Variants in ZNF81 observed in about 807,000 individuals in gnomAD.
ZNF81 encodes the protein zinc finger protein 81.
A neutral mutation model predicts 32.3 loss-of-function variants in ZNF81; 5 were observed. The observed-to-expected ratio is 0.15, with a 90% CI of 0.08 to 0.33. The LOEUF is 0.33. Among genes scored for constraint, ZNF81 ranks in the 10% least tolerant of loss-of-function variants. ZNF81 has a pLI of 1.00. For synonymous variants in ZNF81, 163 were observed against 166.8 expected (o/e 0.98, Z 0.17); for missense variants, 379 against 479.8 (o/e 0.79, Z 1.96).
At chrX:47,871,207 G>A (rs782078050) in intron 2 of ZNF81, among the ~76,000 whole-genome samples, 16 of 111,390 alleles carry the variant, frequency 1.4e-4, no homozygotes, top group South Asian at 7.5e-4. Flanking sequence ...CTCATAACTC[G>A]GATATTAATT....
rs1323945329 is a variant in ZNF81, at chrX:47,924,002, C to T, written c.*7370C>T. ...TCACAAAAGCTTCTCATGGACTTCT[C>T]CACCAGCTTCTCATGGCAGTCCCAC... On this transcript the variant is annotated 3_prime_UTR_variant, in exon 5 of 5. Coordinates refer to ENST00000338637, the MANE Select transcript of ZNF81 (RefSeq NM_007137.5). 9.0e-6 allele frequency among the ~76,000 whole-genome samples: 1 copy of T among 111,660 alleles called. No individual in the cohort carries two copies. The highest frequency in any genetic ancestry group is 1.9e-5 in the Non-Finnish European group (1 of 53,145).
intron 3 of ZNF81, 156 bp downstream of exon 3, chrX:47,888,281 T>A: frequency 2.6e-6 from 2 of 762,480 alleles, no homozygotes; most frequent in Non-Finnish European, 3.8e-6. Context: ...TAAAATGAGA[T>A]CATTAGGGTG....
intron 2 of ZNF81, among the ~76,000 whole-genome samples, chrX:47,886,313 A>C (rs2058641434): frequency 9.0e-6 from 1 of 110,715 alleles, no homozygotes; most frequent in Non-Finnish European, 1.9e-5. Context: ...AATTCCTCTG[A>C]CTATTGTTGA....
chrX:47,888,562 G>T (rs1556886135), intron 3 of ZNF81, among the ~76,000 whole-genome samples: 1 of 111,263 alleles, frequency 9.0e-6, no homozygotes, highest in Non-Finnish European at 1.9e-5. Flanking sequence ...TGGTTTTGGA[G>T]TTCTGGCCTC....
At chrX:47,847,988 C>T (rs1372231951) in intron 2 of ZNF81, among the ~76,000 whole-genome samples, 2 of 108,914 alleles carry the variant, frequency 1.8e-5, no homozygotes, top group Non-Finnish European at 3.8e-5. Flanking sequence ...AATCTCGGCT[C>T]ACTGCAAGCT....
chrX:47,840,668 C>T (rs782394700), intron 1 of ZNF81, among the ~76,000 whole-genome samples: 4 of 110,269 alleles, frequency 3.6e-5, no homozygotes, highest in East Asian at 5.7e-4. Context: ...CCACCATGCC[C>T]GGCTAATTTT....
Position 47,916,592 on chromosome X carries a change from A to G in ZNF81, c.1946A>G (p.Gln649Arg), listed in dbSNP as rs1556890947. The G allele has an allele frequency of 8.3e-7, 1 of 1,202,482 alleles. No homozygotes were observed. The highest frequency in any genetic ancestry group is 1.7e-5 in the African/African-American group (1 of 57,483). The change falls in exon 5 of 5, where the codon CAG (glutamine) becomes CGG (arginine). Residue 649 changes from glutamine (Q) to arginine (R), a missense_variant. Gln to Arg is a conservative substitution (Grantham distance 43). This residue lies in a region of ZNF81 where 102 missense variants were observed against 173.2 expected (regional missense o/e 0.59). Transcript: ENST00000338637. ...KCSDCGKGFTQKSVLSMHRNI... is the reference protein window; with the variant it reads ...KCSDCGKGFTRKSVLSMHRNI... ...AGCGACTGTGGAAAGGGGTTCACCC[A>G]GAAATCAGTTCTCAGTATGCATCGC...
chrX:47,852,340 G>A (rs2058498956), intron 2 of ZNF81, among the ~76,000 whole-genome samples: 1 of 111,899 alleles, frequency 8.9e-6, no homozygotes, highest in African/African-American at 3.3e-5. Context: ...AATGAAGTTT[G>A]CCACATCAAT....
chrX:47,843,585 C>A (rs1280098379), intron 1 of ZNF81, among the ~76,000 whole-genome samples: 1 of 111,699 alleles, frequency 9.0e-6, no homozygotes, highest in African/African-American at 3.3e-5. Flanking sequence ...TGCAGTGATG[C>A]AACTGTGGCT....
At chrX:47,840,131 T>C (rs1384156236) in intron 1 of ZNF81, among the ~76,000 whole-genome samples, 3 of 105,798 alleles carry the variant, frequency 2.8e-5, no homozygotes, top group East Asian at 2.9e-4. Flanking sequence ...CTCTCTCTTT[T>C]TTTTTTTTTT....
intron 2 of ZNF81, among the ~76,000 whole-genome samples, chrX:47,873,464 G>A (rs1462244618): frequency 2.7e-5 from 3 of 111,383 alleles, no homozygotes; most frequent in Non-Finnish European, 5.7e-5. Flanking sequence ...GGTTTTCTCC[G>A]GGGCTTTTCT....
At chrX:47,891,739 T>C (rs2058663000) in intron 3 of ZNF81, among the ~76,000 whole-genome samples, 1 of 112,206 alleles carries the variant, frequency 8.9e-6, no homozygotes, top group Admixed American at 9.4e-5. Flanking sequence ...TGGTGGACCA[T>C]AGTGGTGTTT....
intron 4 of ZNF81, among the ~76,000 whole-genome samples, chrX:47,904,998 G>A (rs1556888886): frequency 9.2e-6 from 1 of 109,272 alleles, no homozygotes; most frequent in Admixed American, 9.8e-5. Flanking sequence ...TCACTCATAG[G>A]TGGGAGTTGA....
chrX:47,864,136 AC>A (rs1478648050), intron 2 of ZNF81, among the ~76,000 whole-genome samples: 1 of 111,863 alleles, frequency 8.9e-6, no homozygotes, highest in Non-Finnish European at 1.9e-5. Flanking sequence ...AAACTGCCTT[AC>A]TAAGGTTTGC....
intron 2 of ZNF81, chrX:47,861,114 C>A (rs1360544118): frequency 9.0e-6 from 1 of 111,634 alleles, no homozygotes; most frequent in Non-Finnish European, 1.9e-5. Context: ...TGTGGGAATC[C>A]CCAATTTATA....
intron 4 of ZNF81, 101 bp downstream of exon 4, chrX:47,896,041 A>G: frequency 1.6e-6 from 1 of 625,643 alleles, no homozygotes; most frequent in Non-Finnish European, 2.5e-6. Flanking sequence ...TAAAGGTTGG[A>G]AACTTTATAA....
intron 2 of ZNF81, among the ~76,000 whole-genome samples, chrX:47,865,438 C>T (rs1556883127): frequency 8.9e-6 from 1 of 111,834 alleles, no homozygotes; most frequent in Non-Finnish European, 1.9e-5. Flanking sequence ...AAATCCAAAA[C>T]CCAAAGGGCT....
intron 2 of ZNF81, among the ~76,000 whole-genome samples, chrX:47,857,043 C>T (rs782140207): frequency 6.2e-5 from 7 of 112,031 alleles, no homozygotes; most frequent in African/African-American, 2.3e-4. Context: ...CCTGTGGCTG[C>T]AATTTTAAAA....
At chrX:47,841,501 C>T in intron 1 of ZNF81, 1 of 983,826 alleles carries the variant, frequency 1.0e-6, no homozygotes, top group Non-Finnish European at 1.4e-6. Flanking sequence ...GTCTGAGACG[C>T]ACCTTGTCAC....
Sources: gnomAD v4.1 joint callset for allele counts (sites outside exome capture counted in the v4.1 genomes callset) on GRCh38, gnomAD v4.1.1 for gene constraint, gnomAD v4.1.1 regional missense constraint, MANE v1.5 for transcripts, NCBI Gene and HGNC (gene_info 2026-07-23, HGNC 2026-07-21) for gene names.